ZNF33B: variants seen among roughly 807,000 people sequenced by gnomAD.
ZNF33B encodes the protein zinc finger protein 11b (KOX 2).
Under a neutral mutation model 45.8 loss-of-function variants are expected in ZNF33B, and 29 were observed. That is an observed-to-expected ratio of 0.63 (90% CI 0.47 to 0.86). ZNF33B has a LOEUF of 0.86. ZNF33B is among the 40% of genes least tolerant of loss of function. The probability of loss-of-function intolerance (pLI) is 0.00; values close to 1 mark genes in which losing one functional copy is unlikely to be tolerated. For missense variants in ZNF33B, 831 were observed against 909.9 expected, an observed-to-expected ratio of 0.91 and a Z score of 1.12; for synonymous variants, 305 against 307.8, an observed-to-expected ratio of 0.99 and a Z score of 0.10.
intron 1 of ZNF33B, among the ~76,000 whole-genome samples, chr10:42,581,370 A>G (rs1589009686): frequency 6.6e-6 from 1 of 150,818 alleles, no homozygotes; most frequent in Admixed American, 6.6e-5. Flanking sequence ...AGGCTGAGAC[A>G]GGAGAATCAC....
intron 4 of ZNF33B, among the ~76,000 whole-genome samples, chr10:42,622,476 AGGT>A (rs1388567156): frequency 6.6e-6 from 1 of 152,262 alleles, no homozygotes. Context: ...GTCATGTCAT[AGGT>A]GTAGACATAC....
At position 42,591,341 on chromosome 10, in the gene ZNF33B, G is replaced by T; in HGVS notation, c.*1272C>A. ...AGTGTTCACATATGTACCCCAGGCA[G>T]TTCATGGCATGGGATGAGCCACAGG... On this transcript the variant is annotated 3_prime_UTR_variant, in exon 5 of 5. Coordinates refer to ENST00000359467, the MANE Select transcript of ZNF33B (RefSeq NM_006955.3). 1 of 592,578 alleles carries T rather than the reference G, an allele frequency of 1.7e-6. No homozygotes were observed. Among genetic ancestry groups the T allele is most frequent in the Non-Finnish European group, 2.1e-6 (1 of 471,520 alleles). 36.7% of individuals were successfully genotyped at this position (592,578 alleles called of 1,614,324 possible). A position where few individuals can be genotyped will look rare whatever the true frequency, so the allele number is the denominator to read the frequency against.
At chr10:42,575,968 T>C (rs1431435455) in intron 1 of ZNF33B, among the ~76,000 whole-genome samples, 1 of 151,830 alleles carries the variant, frequency 6.6e-6, no homozygotes, top group Non-Finnish European at 1.5e-5. Context: ...TCTCAGCTCA[T>C]GCAACTTCCG....
intron 2 of ZNF33B, among the ~76,000 whole-genome samples, chr10:42,633,829 C>T (rs1194716797): frequency 2.0e-5 from 3 of 151,982 alleles, no homozygotes; most frequent in South Asian, 2.1e-4. Context: ...ATTAGCCAGG[C>T]GTGGTGGCAG....
At chr10:42,622,418 C>T (rs1399432196) in intron 4 of ZNF33B, among the ~76,000 whole-genome samples, 1 of 152,160 alleles carries the variant, frequency 6.6e-6, no homozygotes, top group African/African-American at 2.4e-5. Context: ...GGACTCAAAA[C>T]GTCCAATTTC....
intron 4 of ZNF33B, among the ~76,000 whole-genome samples, chr10:42,603,259 A>G (rs990101072): frequency 9.9e-5 from 15 of 152,212 alleles, no homozygotes; most frequent in East Asian, 5.8e-4. Flanking sequence ...AGCTGTAAGG[A>G]CAGAGAGTTC....
intron 1 of ZNF33B, among the ~76,000 whole-genome samples, chr10:42,579,492 T>C (rs1836794558): frequency 6.6e-6 from 1 of 152,230 alleles, no homozygotes; most frequent in South Asian, 2.1e-4. Context: ...CGGTTTTTGG[T>C]GTGGATCTCT....
At chr10:42,615,782 G>C (rs1838285284) in intron 4 of ZNF33B, among the ~76,000 whole-genome samples, 1 of 151,760 alleles carries the variant, frequency 6.6e-6, no homozygotes, top group African/African-American at 2.4e-5. Context: ...AAAATTATCT[G>C]GGCATAGTGG....
intron 2 of ZNF33B, among the ~76,000 whole-genome samples, chr10:42,633,579 C>G (rs1839150715): frequency 6.6e-6 from 1 of 152,186 alleles, no homozygotes; most frequent in African/African-American, 2.4e-5. Flanking sequence ...CCATGAACAG[C>G]TGCTCAGATA....
chr10:42,608,172 T>C (rs1252019630), intron 4 of ZNF33B, among the ~76,000 whole-genome samples: 1 of 152,100 alleles, frequency 6.6e-6, no homozygotes. Context: ...TCTAAGCATA[T>C]ATACTACTAA....
chr10:42,592,032 C>T lies in ZNF33B; in HGVS notation c.*581G>A, dbSNP rs1175847240. 2 of 153,024 alleles carry T rather than the reference C, an allele frequency of 1.3e-5. No individual in the cohort carries two copies. The highest frequency in any genetic ancestry group is 1.3e-4 in the Admixed American group (2 of 15,324). 9.5% of individuals were successfully genotyped at this position (153,024 alleles called of 1,614,324 possible). ...AGCAAGGTAACATCGATTTCTTGGACTTGACCATATACTATGATTATATAT... is the reference window on the plus strand; with the variant it reads ...AGCAAGGTAACATCGATTTCTTGGATTTGACCATATACTATGATTATATAT... On this transcript the variant is annotated 3_prime_UTR_variant, in exon 5 of 5. Transcript: ENST00000359467.
rs112913511 is a variant in ZNF33B, at chr10:42,621,279, C to T, written c.250+10650G>A. Among the ~76,000 whole-genome samples, 593 of 151,704 alleles carry T rather than the reference C, an allele frequency of 3.9e-3. 5 individuals are homozygous for T. Among genetic ancestry groups the T allele is most frequent in the African/African-American group, 0.013 (544 of 41,302 alleles). On this transcript the variant is annotated intron_variant, in intron 4 of 4. Coordinates refer to ENST00000359467, the MANE Select transcript of ZNF33B (RefSeq NM_006955.3). ...CCTGGGAGTTCGAGGCTACAGTGAG[C>T]CATAATTGTGCCACTGCACTCCAGT...
chr10:42,596,888 T>G (rs1589029499), intron 4 of ZNF33B, among the ~76,000 whole-genome samples: 2 of 152,108 alleles, frequency 1.3e-5, no homozygotes, highest in African/African-American at 4.8e-5. Context: ...ATAAAGACAT[T>G]TCTACTTCTT....
At chr10:42,605,980 C>T (rs1589040359) in intron 4 of ZNF33B, among the ~76,000 whole-genome samples, 1 of 151,980 alleles carries the variant, frequency 6.6e-6, no homozygotes, top group East Asian at 1.9e-4. Flanking sequence ...CACCTATAGT[C>T]TCAGCTACTC....
chr10:42,616,433 C>A (rs1227244729), intron 4 of ZNF33B, among the ~76,000 whole-genome samples: 1 of 152,028 alleles, frequency 6.6e-6, no homozygotes, highest in Admixed American at 6.6e-5. Context: ...TACAGCCAAC[C>A]ACCTCACTAA....
chr10:42,597,169 G>A (rs1170082978), intron 4 of ZNF33B, among the ~76,000 whole-genome samples: 4 of 152,054 alleles, frequency 2.6e-5, no homozygotes, highest in Admixed American at 6.6e-5. Flanking sequence ...ATGGTCATAC[G>A]GGTTTGACTT....
Position 42,593,605 on chromosome 10 carries a change from A to G in ZNF33B, c.1345T>C (p.Ser449Pro). 1 of 1,612,416 alleles carries G rather than the reference A, an allele frequency of 6.2e-7. No individual in the cohort carries two copies. The stretch of plus-strand genomic sequence containing the variant: ...GTAAGGTGTGAATTCATACAGAAGG[A>G]TTTTCCACATTCATAACATTCATAG... ...KPYECYECGKSFCMNSHLTVH... is the reference protein window; with the variant it reads ...KPYECYECGKPFCMNSHLTVH... Residue 449 changes from serine (S) to proline (P), a missense_variant, in exon 5 of 5, where the codon TCC becomes CCC. By Grantham distance (74) the Ser-to-Pro change is moderately conservative. Coordinates refer to ENST00000359467, the MANE Select transcript of ZNF33B (RefSeq NM_006955.3).
chr10:42,587,970 C>T (rs1836970136), downstream of ZNF33B, among the ~76,000 whole-genome samples: 1 of 152,230 alleles, frequency 6.6e-6, no homozygotes, highest in Non-Finnish European at 1.5e-5. Flanking sequence ...GCCACACTCA[C>T]CTCTCTCAGT....
chr10:42,593,134 C>T lies in ZNF33B; in HGVS notation c.1816G>A (p.Glu606Lys). 1 of 1,613,542 alleles carries T rather than the reference C, an allele frequency of 6.2e-7. No homozygotes were observed. Among genetic ancestry groups the T allele is most frequent in the South Asian group, 1.1e-5 (1 of 91,062 alleles). Residue 606 changes from glutamate (E) to lysine (K), a missense_variant, in exon 5 of 5, where the codon GAG becomes AAG. By Grantham distance (56) the Glu-to-Lys change is moderately conservative. Coordinates refer to ENST00000359467, the MANE Select transcript of ZNF33B (RefSeq NM_006955.3). ...LTKHNRTHTG[E>K]KPYECNECGK... ...CATTCATTACATTCATAGGGTTTCTCCCCTGTATGTGTTCTATTATGTTTT... is the reference window on the plus strand; with the variant it reads ...CATTCATTACATTCATAGGGTTTCTTCCCTGTATGTGTTCTATTATGTTTT...
Sources: allele counts gnomAD v4.1 joint callset (sites outside exome capture counted in the v4.1 genomes callset), GRCh38; gene constraint gnomAD v4.1.1; transcripts MANE v1.5; gene names NCBI Gene and HGNC (gene_info 2026-07-23, HGNC 2026-07-21).